Variants in TMEM217B observed in about 807,000 individuals in gnomAD.
TMEM217B encodes the protein transmembrane protein 217B.
the TMEM217B span, among the ~76,000 whole-genome samples, chr6:37,221,504 T>C: frequency 1.3e-5 from 2 of 152,308 alleles, no homozygotes; most frequent in East Asian, 1.9e-4. Context: ...TAGAATCTTA[T>C]AGCATTTGTG....
chr6:37,229,635 C>A, the TMEM217B span, among the ~76,000 whole-genome samples: 121 of 152,266 alleles, frequency 7.9e-4, 1 homozygote, highest in African/African-American at 2.7e-3. Flanking sequence ...AGCCACCGCG[C>A]CGGCCAATGT....
At chr6:37,244,961 T>G in the TMEM217B span, among the ~76,000 whole-genome samples, 2 of 152,152 alleles carry the variant, frequency 1.3e-5, no homozygotes, top group African/African-American at 4.8e-5. Flanking sequence ...GTTCCACATG[T>G]TTTTCATCAT....
chr6:37,246,521 C>T, the TMEM217B span, among the ~76,000 whole-genome samples: 2 of 152,146 alleles, frequency 1.3e-5, no homozygotes, highest in Admixed American at 1.3e-4. Context: ...GAGTGAAAAA[C>T]TGACAATAAT....
chr6:37,257,827 G>A, the TMEM217B span: 3 of 1,444,512 alleles, frequency 2.1e-6, no homozygotes, highest in Non-Finnish European at 2.8e-6. Context: ...GCGGGGAAGC[G>A]GCCTGGGTTG....
the TMEM217B span, chr6:37,218,804 A>G: frequency 1.2e-6 from 2 of 1,614,064 alleles, no homozygotes; most frequent in African/African-American, 2.7e-5. Context: ...GCTGATGAGG[A>G]TGGTGATGAA....
chr6:37,237,290 A>T, the TMEM217B span, among the ~76,000 whole-genome samples: 7 of 152,206 alleles, frequency 4.6e-5, no homozygotes, highest in African/African-American at 1.7e-4. Context: ...ACAAGAAAAT[A>T]TTCACAAGTG....
At chr6:37,212,278 C>T in the TMEM217B span, 12 of 350,762 alleles carry the variant, frequency 3.4e-5, no homozygotes, top group African/African-American at 6.4e-5. Flanking sequence ...TGCCCTCTCC[C>T]GAGAATCATT....
At chr6:37,255,111 G>A in the TMEM217B span, among the ~76,000 whole-genome samples, 1 of 152,126 alleles carries the variant, frequency 6.6e-6, no homozygotes, top group Non-Finnish European at 1.5e-5. Flanking sequence ...ACAGACAGGG[G>A]GCCTTTACTC....
the TMEM217B span, among the ~76,000 whole-genome samples, chr6:37,235,678 T>C: frequency 6.6e-6 from 1 of 152,100 alleles, no homozygotes; most frequent in African/African-American, 2.4e-5. Flanking sequence ...ATGTATTTCT[T>C]ATGGTTCTGG....
At chr6:37,214,708 T>C in the TMEM217B span, among the ~76,000 whole-genome samples, 1 of 152,238 alleles carries the variant, frequency 6.6e-6, no homozygotes, top group Non-Finnish European at 1.5e-5. Context: ...TCTGGCTTAC[T>C]TCACTTAGCA....
chr6:37,258,031 T>G, the TMEM217B span: 1 of 1,576,000 alleles, frequency 6.3e-7, no homozygotes, highest in Non-Finnish European at 8.6e-7. Flanking sequence ...CAGATCCTAA[T>G]CCCTGAATCC....
chr6:37,222,229 T>G, the TMEM217B span, among the ~76,000 whole-genome samples: 2 of 152,178 alleles, frequency 1.3e-5, no homozygotes, highest in African/African-American at 4.8e-5. Flanking sequence ...GGCCCCAGCC[T>G]TCAGGCTCTC....
At chr6:37,255,542 C>T in the TMEM217B span, among the ~76,000 whole-genome samples, 1 of 151,818 alleles carries the variant, frequency 6.6e-6, no homozygotes, top group Non-Finnish European at 1.5e-5. Flanking sequence ...AATTAGCTGG[C>T]CATGGTGGTA....
the TMEM217B span, among the ~76,000 whole-genome samples, chr6:37,247,491 A>C: frequency 6.6e-6 from 1 of 151,424 alleles, no homozygotes; most frequent in African/African-American, 2.4e-5. Context: ...GGGTTAAAGC[A>C]ATTCTACTGC....
the TMEM217B span, among the ~76,000 whole-genome samples, chr6:37,237,856 T>C: frequency 6.6e-6 from 1 of 152,146 alleles, no homozygotes; most frequent in African/African-American, 2.4e-5. Flanking sequence ...TTTATATAGA[T>C]GCAAGAAAAC....
At chr6:37,255,303 G>C in the TMEM217B span, among the ~76,000 whole-genome samples, 1 of 152,164 alleles carries the variant, frequency 6.6e-6, no homozygotes, top group African/African-American at 2.4e-5. Flanking sequence ...GGGTCTTTAA[G>C]GAGCTTGGAT....
chr6:37,236,829 G>A, the TMEM217B span, among the ~76,000 whole-genome samples: 1 of 152,152 alleles, frequency 6.6e-6, no homozygotes, highest in Non-Finnish European at 1.5e-5. Flanking sequence ...GGCATGTCCA[G>A]GATGACTTGC....
At chr6:37,252,042 C>T in the TMEM217B span, among the ~76,000 whole-genome samples, 2 of 152,010 alleles carry the variant, frequency 1.3e-5, no homozygotes, top group Non-Finnish European at 2.9e-5. Flanking sequence ...TACAGGCATG[C>T]GCCACCATGC....
the TMEM217B span, among the ~76,000 whole-genome samples, chr6:37,225,021 A>C: frequency 2.3e-4 from 35 of 151,116 alleles, no homozygotes; most frequent in Non-Finnish European, 3.1e-4. Flanking sequence ...AAAAAAAAAA[A>C]AAAAACACCA....
Sources: gnomAD v4.1 joint callset for allele counts (sites outside exome capture counted in the v4.1 genomes callset) on GRCh38, gnomAD v4.1.1 for gene constraint, MANE v1.5 for transcripts, NCBI Gene and HGNC (gene_info 2026-07-23, HGNC 2026-07-21) for gene names.